QTGAL: variants seen among roughly 807,000 people sequenced by gnomAD.
QTGAL encodes the protein BGnT-like protein 1.
chr17:82,970,859 G>T, the QTGAL span, among the ~76,000 whole-genome samples: 1 of 152,240 alleles, frequency 6.6e-6, no homozygotes, highest in South Asian at 2.1e-4. Context: ...TCTGGTTGGG[G>T]TATGTCCAAG....
At chr17:83,001,671 G>C in the QTGAL span, among the ~76,000 whole-genome samples, 1 of 152,212 alleles carries the variant, frequency 6.6e-6, no homozygotes, top group Non-Finnish European at 1.5e-5. Flanking sequence ...CATCTGAGAG[G>C]AACAAGTGGT....
chr17:82,987,883 T>C, the QTGAL span, among the ~76,000 whole-genome samples: 1 of 152,242 alleles, frequency 6.6e-6, no homozygotes, highest in Non-Finnish European at 1.5e-5. Context: ...TTTCACGATA[T>C]TGATTCTTCC....
the QTGAL span, among the ~76,000 whole-genome samples, chr17:83,038,067 G>T: frequency 6.6e-6 from 1 of 152,106 alleles, no homozygotes; most frequent in Non-Finnish European, 1.5e-5. Flanking sequence ...GGAAAGTGGG[G>T]CTCCGTTAGT....
At chr17:82,992,009 A>G in the QTGAL span, among the ~76,000 whole-genome samples, 1 of 152,150 alleles carries the variant, frequency 6.6e-6, no homozygotes, top group Non-Finnish European at 1.5e-5. Context: ...ATACATAGTC[A>G]GAGAAGACAA....
At chr17:82,948,390 C>A in the QTGAL span, 1 of 152,286 alleles carries the variant, frequency 6.6e-6, no homozygotes, top group Non-Finnish European at 1.5e-5. Flanking sequence ...GGATTAGACC[C>A]GAGGCAGGGA....
At chr17:83,018,469 T>A in the QTGAL span, among the ~76,000 whole-genome samples, 33,723 of 152,176 alleles carry the variant, frequency 0.22, 3,723 homozygotes, top group Middle Eastern at 0.27. Flanking sequence ...ACTTTTTTTT[T>A]ATATTTATCA....
the QTGAL span, among the ~76,000 whole-genome samples, chr17:82,968,035 T>C: frequency 6.6e-6 from 1 of 152,200 alleles, no homozygotes; most frequent in Admixed American, 6.5e-5. Context: ...ATAAACACTT[T>C]GCAGAGCAGG....
At chr17:83,019,434 C>T in the QTGAL span, among the ~76,000 whole-genome samples, 1 of 152,300 alleles carries the variant, frequency 6.6e-6, no homozygotes, top group Admixed American at 6.5e-5. Context: ...AGATATAAGA[C>T]ATGAGCAAGT....
At chr17:82,946,726 G>GAATT in the QTGAL span, among the ~76,000 whole-genome samples, 2 of 152,148 alleles carry the variant, frequency 1.3e-5, no homozygotes, top group South Asian at 4.1e-4. Context: ...CTGAAGTCGT[G>GAATT]AATTATACAT....
chr17:82,970,059 A>G, the QTGAL span, among the ~76,000 whole-genome samples: 5 of 152,198 alleles, frequency 3.3e-5, no homozygotes, highest in East Asian at 1.9e-4. Flanking sequence ...ACGCAGTTCT[A>G]TGGGATAACT....
chr17:83,010,125 G>T, the QTGAL span, among the ~76,000 whole-genome samples: 1 of 151,526 alleles, frequency 6.6e-6, no homozygotes, highest in Non-Finnish European at 1.5e-5. Flanking sequence ...GGGGGCCCCT[G>T]GTGTGGGGTG....
chr17:83,028,516 C>T, the QTGAL span, among the ~76,000 whole-genome samples: 6 of 142,642 alleles, frequency 4.2e-5, no homozygotes, highest in African/African-American at 1.6e-4. Context: ...CAGCGAGACT[C>T]CATCTCAAAA....
chr17:82,978,069 C>T, the QTGAL span, among the ~76,000 whole-genome samples: 4 of 152,108 alleles, frequency 2.6e-5, no homozygotes, highest in Admixed American at 6.5e-5. This position sits in a 1 kb window ranked among gnomAD's most constrained non-coding sequence, Gnocchi z 4.8. Flanking sequence ...AGGTGTTTTC[C>T]GTTGCTCCCC....
the QTGAL span, chr17:82,942,542 C>T: frequency 1.9e-4 from 306 of 1,597,430 alleles, no homozygotes; most frequent in African/African-American, 3.3e-3. Flanking sequence ...TGGAAAGCCT[C>T]GCACAGTGGT....
chr17:83,007,032 A>G, the QTGAL span: 49 of 388,220 alleles, frequency 1.3e-4, no homozygotes, highest in African/African-American at 1.0e-3. Flanking sequence ...CCGTGCTTTA[A>G]CACAGGCTCC....
the QTGAL span, among the ~76,000 whole-genome samples, chr17:83,002,070 TA>T: frequency 1.2e-4 from 18 of 146,984 alleles, no homozygotes; most frequent in South Asian, 2.2e-4. Context: ...TTTTTTTTTT[TA>T]AATTTCCCAC....
the QTGAL span, among the ~76,000 whole-genome samples, chr17:82,995,572 C>T: frequency 9.4e-3 from 1,434 of 152,008 alleles, 26 homozygotes; most frequent in African/African-American, 0.031. Flanking sequence ...TAAGTAGAGA[C>T]GGGGTTTCGC....
chr17:83,006,381 TA>T, the QTGAL span: 2 of 985,460 alleles, frequency 2.0e-6, no homozygotes, highest in Middle Eastern at 5.2e-4. This position sits in a 1 kb window ranked among gnomAD's most constrained non-coding sequence, Gnocchi z 5.8. Flanking sequence ...TGTTGTTTTT[TA>T]ATTAAACTTA....
chr17:82,964,513 GGGGGA>G, the QTGAL span, among the ~76,000 whole-genome samples: 1 of 149,736 alleles, frequency 6.7e-6, no homozygotes, highest in African/African-American at 2.5e-5. Context: ...TGCGTCCCAC[GGGGGA>G]TGGGGACACG....
Sources: gnomAD v4.1 joint callset for allele counts (sites outside exome capture counted in the v4.1 genomes callset) on GRCh38, gnomAD v4.1.1 for gene constraint, Gnocchi (gnomAD v3.1) non-coding constraint, MANE v1.5 for transcripts, NCBI Gene and HGNC (gene_info 2026-07-23, HGNC 2026-07-21) for gene names.